Variants in KIAA1217 observed in about 807,000 individuals in gnomAD.
The protein encoded by KIAA1217 is sickle tail protein homolog.
KIAA1217 carries 88 observed loss-of-function variants against 163.9 expected under a neutral mutation model. That is an observed-to-expected ratio of 0.54 (90% CI 0.45 to 0.64). The LOEUF (loss-of-function observed/expected upper bound fraction) is 0.64. Among genes scored for constraint, KIAA1217 ranks in the 30% least tolerant of loss-of-function variants. The pLI is 0.00. For synonymous variants in KIAA1217, 903 were observed against 923.1 expected (o/e 0.98, Z 0.39); for missense variants, 2,372 against 2,475.0 (o/e 0.96, Z 0.88).
At chr10:23,944,539 A>T (rs951702764) in intron 1 of KIAA1217, among the ~76,000 whole-genome samples, 2 of 152,192 alleles carry the variant, frequency 1.3e-5, no homozygotes, top group African/African-American at 4.8e-5. Flanking sequence ...CACATGCTTC[A>T]CCAAAGATAT....
At chr10:24,139,833 G>A (rs2063981590) in intron 2 of KIAA1217, among the ~76,000 whole-genome samples, 1 of 152,084 alleles carries the variant, frequency 6.6e-6, no homozygotes, top group South Asian at 2.1e-4. Context: ...TATATACTAT[G>A]TTTTTTCCTA....
intron 2 of KIAA1217, among the ~76,000 whole-genome samples, chr10:24,138,004 G>C (rs2063898951): frequency 6.6e-6 from 1 of 151,992 alleles, no homozygotes; most frequent in Non-Finnish European, 1.5e-5. Flanking sequence ...ATGTAGATTT[G>C]AAAAATGCAG....
At chr10:23,952,193 C>G (rs1844367393) in intron 1 of KIAA1217, among the ~76,000 whole-genome samples, 1 of 152,218 alleles carries the variant, frequency 6.6e-6, no homozygotes. Flanking sequence ...CATCTGCGAT[C>G]CCAGCATTTA....
At chr10:23,902,777 T>G (rs927169740) in intron 1 of KIAA1217, among the ~76,000 whole-genome samples, 2 of 152,082 alleles carry the variant, frequency 1.3e-5, no homozygotes, top group Non-Finnish European at 2.9e-5. Context: ...CTGGAGTCAA[T>G]ATGGTGGCTG....
intron 13 of KIAA1217, among the ~76,000 whole-genome samples, 162 bp from the exon 14 acceptor site, chr10:24,527,774 T>TAA (rs2072429324): frequency 6.6e-6 from 1 of 152,184 alleles, no homozygotes; most frequent in Non-Finnish European, 1.5e-5. Flanking sequence ...TATGGGTTTG[T>TAA]TGTGCAGATT....
At chr10:24,106,321 AC>A (rs900742425) in intron 2 of KIAA1217, among the ~76,000 whole-genome samples, 1 of 152,094 alleles carries the variant, frequency 6.6e-6, no homozygotes, top group African/African-American at 2.4e-5. Context: ...GATCAGTTGT[AC>A]AGGACTTCAG....
At chr10:23,833,204 T>G (rs954390658) in intron 1 of KIAA1217, among the ~76,000 whole-genome samples, 1 of 152,180 alleles carries the variant, frequency 6.6e-6, no homozygotes, top group Non-Finnish European at 1.5e-5. Flanking sequence ...AGAATCCATT[T>G]AAAGGACCTA....
At chr10:24,306,919 T>C (rs571237887) in intron 2 of KIAA1217, among the ~76,000 whole-genome samples, 2 of 152,350 alleles carry the variant, frequency 1.3e-5, no homozygotes, top group Admixed American at 6.5e-5. Context: ...ATTCTACTTG[T>C]CTATTGTTCA....
intron 2 of KIAA1217, among the ~76,000 whole-genome samples, chr10:24,136,728 C>G (rs2063845965): frequency 6.6e-6 from 1 of 152,218 alleles, no homozygotes; most frequent in Non-Finnish European, 1.5e-5. Flanking sequence ...AAACCTCCAT[C>G]TCCAATAACA....
chr10:23,954,662 G>C (rs942778279), intron 1 of KIAA1217, among the ~76,000 whole-genome samples: 2 of 151,500 alleles, frequency 1.3e-5, no homozygotes, highest in Non-Finnish European at 2.9e-5. Flanking sequence ...AGGAAAGAAG[G>C]AAGAAAAAAA....
chr10:24,478,601 A>C (rs2064298015), intron 6 of KIAA1217, among the ~76,000 whole-genome samples: 1 of 152,158 alleles, frequency 6.6e-6, no homozygotes, highest in Non-Finnish European at 1.5e-5. Flanking sequence ...GGTTTTATCC[A>C]AGTGACTTCC....
chr10:23,975,206 CA>C (rs1845488816), intron 1 of KIAA1217, among the ~76,000 whole-genome samples: 1 of 152,162 alleles, frequency 6.6e-6, no homozygotes, highest in South Asian at 2.1e-4. Context: ...CTATTTTTAT[CA>C]AGAGAAGTTG....
At chr10:23,770,962 C>T (rs1158084857) in intron 1 of KIAA1217, among the ~76,000 whole-genome samples, 1 of 152,236 alleles carries the variant, frequency 6.6e-6, no homozygotes. Context: ...GTGTTATCAA[C>T]CCAACAACAC....
intron 2 of KIAA1217, among the ~76,000 whole-genome samples, chr10:24,086,853 G>A (rs2061715048): frequency 6.6e-6 from 1 of 152,184 alleles, no homozygotes; most frequent in East Asian, 1.9e-4. Context: ...CCTTGACCCA[G>A]CAGTTCCACT....
chr10:23,871,491 G>A (rs1840453278), intron 1 of KIAA1217, among the ~76,000 whole-genome samples: 1 of 152,024 alleles, frequency 6.6e-6, no homozygotes, highest in African/African-American at 2.4e-5. Flanking sequence ...TTTTAGTCAA[G>A]TTCTTTGATG....
Position 23,695,663 on chromosome 10 carries a change from G to C in KIAA1217, c.-321+429G>C, listed in dbSNP as rs1267251339. Among the ~76,000 whole-genome samples the C allele has an allele frequency of 6.6e-6, 1 of 152,184 alleles. No homozygotes were observed. Among genetic ancestry groups the C allele is most frequent in the African/African-American group, 2.4e-5 (1 of 41,470 alleles). On this transcript the variant is annotated intron_variant, in intron 1 of 18. Coordinates refer to the KIAA1217 transcript ENST00000376462. The surrounding 1 kb of genome is among the most constrained non-coding windows in gnomAD (Gnocchi z 4.9). ...CTGCGAAGAGGGCATTGCTCTTTCT[G>C]ATGGCTGGAAGACAGGGGCAAGGAG...
chr10:23,974,651 G>A (rs1845462429), intron 1 of KIAA1217, among the ~76,000 whole-genome samples: 1 of 151,970 alleles, frequency 6.6e-6, no homozygotes, highest in African/African-American at 2.4e-5. Flanking sequence ...GTGACACCTC[G>A]TGTCTGCAAA....
intron 2 of KIAA1217, among the ~76,000 whole-genome samples, chr10:24,330,269 C>T (rs1020566481): frequency 2.1e-4 from 30 of 145,032 alleles, no homozygotes; most frequent in Non-Finnish European, 6.0e-5. Context: ...CACTGCACTC[C>T]AGCCTAGGTA....
At chr10:23,813,640 G>A (rs953069246) in intron 1 of KIAA1217, among the ~76,000 whole-genome samples, 7 of 151,990 alleles carry the variant, frequency 4.6e-5, no homozygotes, top group African/African-American at 1.7e-4. Flanking sequence ...TTGCACACTT[G>A]TAAAGTATTT....
Sources: gnomAD v4.1 joint callset for allele counts (sites outside exome capture counted in the v4.1 genomes callset) on GRCh38, gnomAD v4.1.1 for gene constraint, Gnocchi (gnomAD v3.1) non-coding constraint, MANE v1.5 for transcripts, NCBI Gene and HGNC (gene_info 2026-07-23, HGNC 2026-07-21) for gene names.